The following NUP153 variants were observed in gnomAD, a reference collection of about 807,000 sequenced individuals.
NUP153 encodes the protein nuclear pore complex protein Nup153.
NUP153 carries 27 observed loss-of-function variants against 134.6 expected under a neutral mutation model. The ratio of observed to expected loss-of-function variants is 0.20; its 90% CI spans 0.15 to 0.28. NUP153 has a LOEUF of 0.28. Ranked by LOEUF, NUP153 falls within the 10% of genes least tolerant of loss-of-function variation. The pLI, the probability that NUP153 is intolerant of heterozygous loss-of-function variation, is 1.00. For missense variants in NUP153, 1,821 were observed against 1,731.3 expected, an observed-to-expected ratio of 1.05 and a Z score of -0.92; for synonymous variants, 640 against 623.5, an observed-to-expected ratio of 1.03 and a Z score of -0.40.
chr6:17,679,954 A>C (rs1224859169), intron 2 of NUP153, among the ~76,000 whole-genome samples: 2 of 152,190 alleles, frequency 1.3e-5, no homozygotes, highest in Admixed American at 6.5e-5. Flanking sequence ...ACCACTACTC[A>C]AGGTAATCAT....
At chr6:17,673,249 A>T (rs1428311213) in intron 5 of NUP153, among the ~76,000 whole-genome samples, 2 of 152,050 alleles carry the variant, frequency 1.3e-5, no homozygotes. Flanking sequence ...GGCACCTGTA[A>T]TCCCAGCTAC....
At position 17,678,352 on chromosome 6, in the gene NUP153, C is replaced by CAAAAAA. The variant is rs11428582; in HGVS notation, c.335-2588_335-2583dup. 8.3e-3 allele frequency among the ~76,000 whole-genome samples: 565 copies of CAAAAAA among 68,198 alleles called. 49 individuals are homozygous for CAAAAAA. The highest frequency in any genetic ancestry group is 0.032 in the East Asian group (72 of 2,272). 44.7% of individuals were successfully genotyped at this position (68,198 alleles called of 152,430 possible). On this transcript the variant is annotated intron_variant, in intron 2 of 21. Transcript: ENST00000262077. Reference sequence around the variant, plus strand: ...GCCTGGTTGACAGAACCCTCTGTCTCAAAAAAAAAAAAAAAAAAAAAAAGA... The same window carrying CAAAAAA: ...GCCTGGTTGACAGAACCCTCTGTCTCAAAAAAAAAAAAAAAAAAAAAAAAAAAAAGA...
intron 20 of NUP153, among the ~76,000 whole-genome samples, chr6:17,618,054 T>C (rs1764431899): frequency 6.6e-6 from 1 of 152,108 alleles, no homozygotes; most frequent in African/African-American, 2.4e-5. Context: ...TTCCCAATCT[T>C]AGCTCCCAGA....
At chr6:17,674,833 GTAAT>G in intron 5 of NUP153, 68 bp downstream of exon 5, 1 of 1,168,950 alleles carries the variant, frequency 8.6e-7, no homozygotes, top group Non-Finnish European at 1.2e-6. Flanking sequence ...TGAGCACAAA[GTAAT>G]TTATTATCCA....
chr6:17,689,424 AAC>A (rs1561907284), intron 1 of NUP153, among the ~76,000 whole-genome samples: 2 of 152,170 alleles, frequency 1.3e-5, no homozygotes, highest in South Asian at 2.1e-4. Flanking sequence ...AACAAAAAAA[AAC>A]AATCCAACAA....
chr6:17,684,408 C>T (rs1768790446), intron 2 of NUP153, among the ~76,000 whole-genome samples: 1 of 152,196 alleles, frequency 6.6e-6, no homozygotes, highest in Non-Finnish European at 1.5e-5. Flanking sequence ...TCTCCTGCAG[C>T]TTTATCATCT....
intron 5 of NUP153, among the ~76,000 whole-genome samples, chr6:17,671,156 C>T (rs1052523693): frequency 7.9e-5 from 12 of 152,028 alleles, no homozygotes; most frequent in Non-Finnish European, 1.2e-4. Context: ...CAGGATAAAC[C>T]CCACTTGATC....
chr6:17,675,051 G>A lies in NUP153; in HGVS notation c.724-18C>T. ...CCAAGTGACTGCACAGAAACAGAAT[G>A]ATAAATTATAAGCCATATGAACCCA... is the stretch of plus-strand genomic sequence containing the variant. On this transcript the variant is annotated intron_variant, in intron 4 of 21. Coordinates refer to ENST00000262077, the MANE Select transcript of NUP153 (RefSeq NM_005124.4). This position sits in a 1 kb window ranked among gnomAD's most constrained non-coding sequence, Gnocchi z 4.4. 1 of 1,611,788 alleles carries A rather than the reference G, an allele frequency of 6.2e-7. No homozygotes were observed. The highest frequency in any genetic ancestry group is 1.7e-5 in the Admixed American group (1 of 59,624).
At chr6:17,685,072 C>A (rs1390841352) in intron 2 of NUP153, among the ~76,000 whole-genome samples, 2 of 152,174 alleles carry the variant, frequency 1.3e-5, no homozygotes, top group Non-Finnish European at 2.9e-5. Flanking sequence ...GATCAACTTT[C>A]TTGACATGGG....
At chr6:17,665,218 T>C in intron 9 of NUP153, 21 bp downstream of exon 9, 3 of 1,561,580 alleles carry the variant, frequency 1.9e-6, no homozygotes, top group Non-Finnish European at 2.6e-6. Context: ...CAAAGACTGG[T>C]AGAAATATAC....
At chr6:17,682,923 AAG>A (rs1491582800) in intron 2 of NUP153, among the ~76,000 whole-genome samples, 1 of 107,434 alleles carries the variant, frequency 9.3e-6, no homozygotes, top group Non-Finnish European at 2.0e-5. Context: ...CTCAAAAAAG[AAG>A]AAAAAAAAAA....
chr6:17,654,091 A>G (rs1467520274), intron 11 of NUP153, among the ~76,000 whole-genome samples: 1 of 152,216 alleles, frequency 6.6e-6, no homozygotes, highest in African/African-American at 2.4e-5. Context: ...TACTGTGTGT[A>G]TACGCTGCAC....
At chr6:17,651,773 C>G (rs1279651515) in intron 11 of NUP153, 7 of 507,362 alleles carry the variant, frequency 1.4e-5, no homozygotes, top group Non-Finnish European at 2.6e-5. Context: ...AAAGTGTATG[C>G]TCTCATGAGG....
At chr6:17,641,557 C>A (rs1258089687) in intron 14 of NUP153, among the ~76,000 whole-genome samples, 1 of 150,746 alleles carries the variant, frequency 6.6e-6, no homozygotes, top group South Asian at 2.1e-4. Flanking sequence ...AACAAACAAA[C>A]AAACAAACAA....
intron 16 of NUP153, 111 bp from the exon 17 acceptor site, chr6:17,632,955 A>C: frequency 1.4e-6 from 1 of 724,534 alleles, no homozygotes; most frequent in Non-Finnish European, 2.1e-6. Flanking sequence ...AGTTTCTAAT[A>C]ATATTTCCTA....
rs1554148721 is a variant in NUP153, at chr6:17,701,841, G to GC, written c.111+4435_111+4436insG. On this transcript the variant is annotated intron_variant, in intron 1 of 21. Coordinates refer to ENST00000262077, the MANE Select transcript of NUP153 (RefSeq NM_005124.4). ...GAGCAAGACTCTGTCTCGGGGGGGGGGGGAAAAAAGCTAAATGCAGGAACT... is the reference window on the plus strand; with the variant it reads ...GAGCAAGACTCTGTCTCGGGGGGGGGCGGGAAAAAAGCTAAATGCAGGAACT... Among the ~76,000 whole-genome samples, 5 of 103,262 alleles carry GC rather than the reference G, an allele frequency of 4.8e-5. 1 individual carries two copies. The highest frequency in any genetic ancestry group is 1.1e-4 in the Non-Finnish European group (5 of 47,548). 67.7% of individuals were successfully genotyped at this position (103,262 alleles called of 152,430 possible). A position where few individuals can be genotyped will look rare whatever the true frequency, so the allele number is the denominator to read the frequency against.
chr6:17,616,289 G>GGGGGGGGGGGGGCC, intron 21 of NUP153, 108 bp from the exon 22 acceptor site: 1 of 467,348 alleles, frequency 2.1e-6, no homozygotes, highest in Non-Finnish European at 3.9e-6. Context: ...GGGTGGGGGG[G>GGGGGGGGGGGGGCC]GAGTAGACTC....
rs2113781839 is a variant in NUP153, at chr6:17,635,586, G to C, written c.2464+1567C>G. ...CAGGCTAATTTTTGTGTTTTTTGTA[G>C]AGACAGTGCTTCACCATGCTGCTCG... On this transcript the variant is annotated intron_variant, in intron 16 of 21. Transcript: ENST00000262077. Among the ~76,000 whole-genome samples, 2 of 152,208 alleles carry C rather than the reference G, an allele frequency of 1.3e-5. 1 individual carries two copies. Among genetic ancestry groups the C allele is most frequent in the Admixed American group, 1.3e-4 (2 of 15,300 alleles).
intron 2 of NUP153, 29 bp downstream of exon 2, chr6:17,688,367 T>G: frequency 6.4e-7 from 1 of 1,570,600 alleles, no homozygotes; most frequent in South Asian, 1.1e-5. Context: ...AACCTATCAT[T>G]CATGACAAAA....
Sources: gnomAD v4.1 joint callset for allele counts (sites outside exome capture counted in the v4.1 genomes callset) on GRCh38, gnomAD v4.1.1 for gene constraint, Gnocchi (gnomAD v3.1) non-coding constraint, MANE v1.5 for transcripts, NCBI Gene and HGNC (gene_info 2026-07-23, HGNC 2026-07-21) for gene names.